SFRP4: variants seen among roughly 807,000 people sequenced by gnomAD.
The protein encoded by SFRP4 is secreted frizzled-related protein 4.
Under a neutral mutation model 36.3 loss-of-function variants are expected in SFRP4, and 25 were observed. That is an observed-to-expected ratio of 0.69 (90% CI 0.50 to 0.96). The LOEUF is 0.96. Ranked by LOEUF, SFRP4 falls within the 40% of genes least tolerant of loss-of-function variation. SFRP4 has a pLI of 0.00. For missense variants in SFRP4, 487 were observed against 459.6 expected, an observed-to-expected ratio of 1.06 and a Z score of -0.54; for synonymous variants, 182 against 168.8, an observed-to-expected ratio of 1.08 and a Z score of -0.60.
chr7:37,909,195 A>T (rs1785442860), intron 5 of SFRP4, among the ~76,000 whole-genome samples: 1 of 152,164 alleles, frequency 6.6e-6, no homozygotes, highest in African/African-American at 2.4e-5. Context: ...AAATTATTAT[A>T]AATACAGGAA....
rs1785452145 is a variant in SFRP4 at position 37,909,688 on chromosome 7, A to G, written c.792-8T>C. On this transcript the variant is annotated splice_region_variant and splice_polypyrimidine_tract_variant and intron_variant, in intron 4 of 5. Transcript: ENST00000436072. ...TTTTCAAGAAGCATCATCCTGAAAA[A>G]AAATTATCTTAGTAAACAGATTTTT... 1.3e-6 allele frequency: 2 copies of G among 1,543,080 alleles called. No homozygotes were observed. Among genetic ancestry groups the G allele is most frequent in the Non-Finnish European group, 1.8e-6 (2 of 1,129,416 alleles).
rs1334848632 is a variant in SFRP4 at position 37,906,356 on chromosome 7, C to T, written c.*1123G>A. 1 of 152,086 alleles carries T rather than the reference C, an allele frequency of 6.6e-6. No individual in the cohort carries two copies. The highest frequency in any genetic ancestry group is 1.5e-5 in the Non-Finnish European group (1 of 68,012). The allele number at this position is 152,086 out of a possible 1,614,324, so 9.4% of individuals were successfully genotyped here. On this transcript the variant is annotated 3_prime_UTR_variant, in exon 6 of 6. Coordinates refer to ENST00000436072, the MANE Select transcript of SFRP4 (RefSeq NM_003014.4). Reference sequence around the variant, plus strand: ...TAAAATTGTTTTTTAAAATAAATGCCTCCAATTGTCCACAATTATGAAATT... The same window carrying T: ...TAAAATTGTTTTTTAAAATAAATGCTTCCAATTGTCCACAATTATGAAATT...
rs778079235 is a variant in SFRP4 at position 37,916,073 on chromosome 7, C to T, written c.445+20G>A. 6.9e-6 allele frequency: 11 copies of T among 1,599,120 alleles called. No individual in the cohort carries two copies. The highest frequency in any genetic ancestry group is 2.7e-5 in the African/African-American group (2 of 74,690). On this transcript the variant is annotated intron_variant, in intron 1 of 5. Coordinates refer to ENST00000436072, the MANE Select transcript of SFRP4 (RefSeq NM_003014.4). This position sits in a 1 kb window ranked among gnomAD's most constrained non-coding sequence, Gnocchi z 4.1. The stretch of plus-strand genomic sequence containing the variant: ...CCCCGGGCGCCTCCTCGCCTCCCTC[C>T]ATCCTTCCTACGGCCTCACCCTCCG...
At chr7:37,915,220 T>C (rs2722317) in intron 1 of SFRP4, among the ~76,000 whole-genome samples, 67,391 of 151,810 alleles carry the variant, frequency 0.44, 15,231 homozygotes, top group East Asian at 0.64. Flanking sequence ...CTCTATTATT[T>C]ATATAATTTA....
At position 37,912,105 on chromosome 7, in the gene SFRP4, C is replaced by G; in HGVS notation, c.791+14G>C. On this transcript the variant is annotated intron_variant, in intron 4 of 5. Coordinates refer to ENST00000436072, the MANE Select transcript of SFRP4 (RefSeq NM_003014.4). ...ACAGTGTGCATACAGTTCCTTCTGC[C>G]TCTTTGTGCCTACCTTGAGCGCCAC... 1.2e-6 allele frequency: 2 copies of G among 1,606,138 alleles called. No individual in the cohort carries two copies. The highest frequency in any genetic ancestry group is 1.3e-5 in the African/African-American group (1 of 74,898).
chr7:37,909,638 A>C lies in SFRP4; in HGVS notation c.834T>G (p.Asp278Glu), dbSNP rs1554369743. Residue 278 changes from aspartate (D) to glutamate (E), a missense_variant, in exon 5 of 6, where the codon GAT (aspartate) becomes GAG (glutamate). By Grantham distance (45) the Asp-to-Glu change is conservative (BLOSUM62 2). Coordinates refer to ENST00000436072, the MANE Select transcript of SFRP4 (RefSeq NM_003014.4). ...LENCLVEKWR[D>E]QLSKRSIQWE... Reference sequence around the variant, plus strand: ...TTACTATGGATCTTTTACTAAGCTGATCTCTCCATTTTTCAACTAAGCAAT... The same window carrying C: ...TTACTATGGATCTTTTACTAAGCTGCTCTCTCCATTTTTCAACTAAGCAAT... The C allele has an allele frequency of 1.3e-6, 2 of 1,581,056 alleles. No individual in the cohort carries two copies. The highest frequency in any genetic ancestry group is 1.7e-6 in the Non-Finnish European group (2 of 1,162,122).
rs1375873145 is a variant in SFRP4, at chr7:37,916,699, C to A, written c.-162G>T. ...CGGCAGCAAAGCGGGGCCGCGGGGTCCGGCCGCGGAGCTCCGCCGTCTGGC... is the reference window on the plus strand; with the variant it reads ...CGGCAGCAAAGCGGGGCCGCGGGGTACGGCCGCGGAGCTCCGCCGTCTGGC... On this transcript the variant is annotated 5_prime_UTR_variant, in exon 1 of 6. Coordinates refer to ENST00000436072, the MANE Select transcript of SFRP4 (RefSeq NM_003014.4). The surrounding 1 kb of genome is among the most constrained non-coding windows in gnomAD (Gnocchi z 4.1). 11 of 1,143,004 alleles carry A rather than the reference C, an allele frequency of 9.6e-6. No homozygotes were observed. In the East Asian group the frequency reaches 2.3e-4, roughly 24 times the overall value. The allele number at this position is 1,143,004 out of a possible 1,614,324, so 70.8% of individuals were successfully genotyped here.
chr7:37,914,308 G>T, intron 2 of SFRP4, 30 bp from the exon 3 acceptor site: 1 of 1,613,486 alleles, frequency 6.2e-7, no homozygotes, highest in Non-Finnish European at 8.5e-7. Context: ...CAGAAAGTTG[G>T]AAAAAGAACA....
At chr7:37,909,742 G>T in intron 4 of SFRP4, 62 bp from the exon 5 acceptor site, 1 of 930,128 alleles carries the variant, frequency 1.1e-6, no homozygotes, top group South Asian at 1.6e-5. Context: ...TAAAAATACA[G>T]AAATTGTAAA....
chr7:37,907,715 G>A, intron 5 of SFRP4, 51 bp from the exon 6 acceptor site: 4 of 1,388,230 alleles, frequency 2.9e-6, no homozygotes, highest in South Asian at 1.3e-5. Flanking sequence ...CCCCTTTATG[G>A]TGCTCAGCTA....
rs765617068 is a variant in SFRP4, at chr7:37,916,596, AC to A, written c.-60del. The stretch of plus-strand genomic sequence containing the variant: ...CAGAAAGCGCCCTTCTCTTCCTGCC[AC>A]CCTCATCTTTCGCTGTCCCTTCGCC... On this transcript the variant is annotated 5_prime_UTR_variant, in exon 1 of 6. Transcript: ENST00000436072. The surrounding 1 kb of genome is among the most constrained non-coding windows in gnomAD (Gnocchi z 4.1). The A allele has an allele frequency of 6.4e-7, 1 of 1,554,552 alleles. No homozygotes were observed. Among genetic ancestry groups the A allele is most frequent in the Non-Finnish European group, 8.7e-7 (1 of 1,152,356 alleles).
rs531820042 is a variant in SFRP4, at chr7:37,908,926, A to G, written c.855+691T>C. ...TTATTGGTGCAAACTAAGAGAGCAT[A>G]GGCAATAGCAATATGTTTTGTGAAC... On this transcript the variant is annotated intron_variant, in intron 5 of 5. Transcript: ENST00000436072. Among the ~76,000 whole-genome samples the G allele has an allele frequency of 3.3e-5, 5 of 152,342 alleles. No homozygotes were observed. In the South Asian group the frequency reaches 1.0e-3, roughly 32 times the overall value.
At chr7:37,908,063 G>A (rs1167144843) in intron 5 of SFRP4, among the ~76,000 whole-genome samples, 1 of 152,166 alleles carries the variant, frequency 6.6e-6, no homozygotes, top group Non-Finnish European at 1.5e-5. Context: ...TTCCTACAGT[G>A]CAAAGCCTTC....
At chr7:37,910,825 G>GT (rs904516908) in intron 4 of SFRP4, among the ~76,000 whole-genome samples, 1 of 152,088 alleles carries the variant, frequency 6.6e-6, no homozygotes, top group Non-Finnish European at 1.5e-5. Context: ...TGTTTCAAGA[G>GT]TTTTTCCTCT....
rs944178506 is a variant in SFRP4 at position 37,907,150 on chromosome 7, C to A, written c.*329G>T. 1.0e-5 allele frequency: 2 copies of A among 191,612 alleles called. No individual in the cohort carries two copies. Among genetic ancestry groups the A allele is most frequent in the Non-Finnish European group, 2.1e-5 (2 of 94,894 alleles). 11.9% of individuals were successfully genotyped at this position (191,612 alleles called of 1,614,324 possible). Reference sequence around the variant, plus strand: ...AATATGGCATTTATTTTACAATGCACATATTAGGTCGAATTGTAACAAGCA... The same window carrying A: ...AATATGGCATTTATTTTACAATGCAAATATTAGGTCGAATTGTAACAAGCA... On this transcript the variant is annotated 3_prime_UTR_variant, in exon 6 of 6. Transcript: ENST00000436072.
chr7:37,916,301 G>C lies in SFRP4; in HGVS notation c.237C>G (p.Ala79=), dbSNP rs754882182. ...CCAGGGTGCAAATGGGCGCGTACAT[G>C]GCACAGAGGAAGAAGCGCAGCACGG... ...CSAVLRFFLC[A]MYAPICTLEF... is the part of the protein sequence containing the mutation. The change falls in exon 1 of 6, where the codon GCC becomes GCG. Residue 79 remains alanine (A), a synonymous_variant. Transcript: ENST00000436072. The surrounding 1 kb of genome is among the most constrained non-coding windows in gnomAD (Gnocchi z 4.1). 6.2e-7 allele frequency: 1 copy of C among 1,614,096 alleles called. No homozygotes were observed. Among genetic ancestry groups the C allele is most frequent in the African/African-American group, 1.3e-5 (1 of 74,938 alleles).
At position 37,907,075 on chromosome 7, in the gene SFRP4, T is replaced by C. The variant is rs1349738940; in HGVS notation, c.*404A>G. ...ACATCACTAACATTGCAACAACAGA[T>C]ATCAAAAGGTAATAAAACATACTGT... On this transcript the variant is annotated 3_prime_UTR_variant, in exon 6 of 6. Transcript: ENST00000436072. 3.9e-5 allele frequency: 6 copies of C among 154,714 alleles called. No individual in the cohort carries two copies. The highest frequency in any genetic ancestry group is 1.4e-4 in the African/African-American group (6 of 41,548). The allele number at this position is 154,714 out of a possible 1,614,324, so 9.6% of individuals were successfully genotyped here. A position where few individuals can be genotyped will look rare whatever the true frequency, so the allele number is the denominator to read the frequency against.
Position 37,916,173 on chromosome 7 carries a change from C to A in SFRP4, c.365G>T (p.Ser122Ile). ...GACAGGCAGCTCGTCGCAGGCCAGG[C>A]TTTCGGGCCAGCTGTGGTTGTACAT... ...MKMYNHSWPE[S>I]LACDELPVYD... Residue 122 changes from serine to isoleucine, a missense_variant, in exon 1 of 6, where the codon AGC (serine) becomes ATC (isoleucine). By Grantham distance (142) the Ser-to-Ile change is moderately radical. Coordinates refer to ENST00000436072, the MANE Select transcript of SFRP4 (RefSeq NM_003014.4). The surrounding 1 kb of genome is among the most constrained non-coding windows in gnomAD (Gnocchi z 4.1). The A allele has an allele frequency of 6.2e-7, 1 of 1,614,170 alleles. No homozygotes were observed. The highest frequency in any genetic ancestry group is 8.5e-7 in the Non-Finnish European group (1 of 1,180,046).
chr7:37,906,188 A>G lies in SFRP4; in HGVS notation c.*1291T>C, dbSNP rs1785391616. 6.6e-6 allele frequency: 1 copy of G among 152,226 alleles called. No individual in the cohort carries two copies. The highest frequency in any genetic ancestry group is 6.5e-5 in the Admixed American group (1 of 15,284). 9.4% of individuals were successfully genotyped at this position (152,226 alleles called of 1,614,324 possible). Reference sequence around the variant, plus strand: ...TTATAAGTGCATAAGAAACACCTGGAGAATAATATGCCAAAATACTAATAG... The same window carrying G: ...TTATAAGTGCATAAGAAACACCTGGGGAATAATATGCCAAAATACTAATAG... On this transcript the variant is annotated 3_prime_UTR_variant, in exon 6 of 6. Transcript: ENST00000436072.
Sources: gnomAD v4.1 joint callset for allele counts (sites outside exome capture counted in the v4.1 genomes callset) on GRCh38, gnomAD v4.1.1 for gene constraint, Gnocchi (gnomAD v3.1) non-coding constraint, MANE v1.5 for transcripts, NCBI Gene and HGNC (gene_info 2026-07-23, HGNC 2026-07-21) for gene names.